Variants in NKPD1 observed in about 807,000 individuals in gnomAD.
NKPD1 encodes the protein NTPase KAP family P-loop domain-containing protein 1.
In NKPD1, 37 loss-of-function variants were observed where a neutral mutation model predicts 42.2. The ratio of observed to expected loss-of-function variants is 0.88; its 90% CI spans 0.67 to 1.15. The LOEUF (loss-of-function observed/expected upper bound fraction) is 1.15. Ranked by LOEUF, NKPD1 falls within the 50% of genes most tolerant of loss-of-function variation. NKPD1 has a pLI of 0.00. For missense variants in NKPD1, 1,113 were observed against 1,174.6 expected, an observed-to-expected ratio of 0.95 and a Z score of 0.77; for synonymous variants, 552 against 536.5, an observed-to-expected ratio of 1.03 and a Z score of -0.40.
chr19:45,158,795 C>T lies in NKPD1; in HGVS notation c.397G>A (p.Ala133Thr). The T allele has an allele frequency of 7.9e-7, 1 of 1,258,072 alleles. No individual in the cohort carries two copies. Among genetic ancestry groups the T allele is most frequent in the Non-Finnish European group, 1.0e-6 (1 of 968,042 alleles). The allele number at this position is 1,258,072 out of a possible 1,614,324, so 77.9% of individuals were successfully genotyped here. ...APQAPTLPTT[A>T]PAMARSGPAL... ...GGGCCACTCCTGGCCATGGCTGGTG[C>T]CGTGGTGGGTAAGGTGGGCGCCTGA... The change falls in exon 3 of 5, where the codon GCA (alanine) becomes ACA (threonine). Residue 133 changes from alanine to threonine, a missense_variant. Physicochemically the swap from Ala to Thr is moderately conservative, Grantham distance 58 (BLOSUM62 0). Around this residue, in one of 3 missense-constraint regions of NKPD1, gnomAD observed 204 missense variants for 227.8 expected, o/e 0.90. Transcript: ENST00000686631. This position sits in a 1 kb window ranked among gnomAD's most constrained non-coding sequence, Gnocchi z 4.6.
chr19:45,159,730 G>T (rs556064283), intron 2 of NKPD1, among the ~76,000 whole-genome samples: 2 of 152,104 alleles, frequency 1.3e-5, no homozygotes, highest in Non-Finnish European at 2.9e-5. Flanking sequence ...CATGTTCAGT[G>T]GGGGGGCTCC....
rs542383526 is a variant in NKPD1 at position 45,158,312 on chromosome 19, T to G, written c.529+351A>C. 3.9e-5 allele frequency among the ~76,000 whole-genome samples: 6 copies of G among 152,300 alleles called. No individual in the cohort carries two copies. The East Asian group carries it at 9.6e-4, about 24-fold the overall frequency. On this transcript the variant is annotated intron_variant, in intron 3 of 4. Transcript: ENST00000686631. This position sits in a 1 kb window ranked among gnomAD's most constrained non-coding sequence, Gnocchi z 4.6. Reference sequence around the variant, plus strand: ...CCAGCCAACAACCCAGGGCTCACCATCCCTGCCCCATGTACCCTGTACCCT... The same window carrying G: ...CCAGCCAACAACCCAGGGCTCACCAGCCCTGCCCCATGTACCCTGTACCCT...
intron 4 of NKPD1, 130 bp downstream of exon 4, chr19:45,155,655 G>T: frequency 1.1e-6 from 1 of 915,662 alleles, no homozygotes; most frequent in Non-Finnish European, 1.5e-6. Flanking sequence ...AGAGGCATGG[G>T]CTTGGGGAGG....
At chr19:45,155,698 G>T (rs979662997) in intron 4 of NKPD1, 87 bp downstream of exon 4, 12 of 1,218,416 alleles carry the variant, frequency 9.8e-6, no homozygotes, top group Non-Finnish European at 1.2e-5. Context: ...CACAGGGGTG[G>T]GGGGATCTGG....
At chr19:45,160,331 A>T (rs1003863066) in intron 1 of NKPD1, among the ~76,000 whole-genome samples, 110 bp from the exon 2 acceptor site, 18 of 152,132 alleles carry the variant, frequency 1.2e-4, no homozygotes, top group African/African-American at 4.3e-4. Context: ...ACTTGGGAGA[A>T]GGGGGTAGAG....
chr19:45,158,068 G>A lies in NKPD1; in HGVS notation c.529+595C>T, dbSNP rs1242319005. Among the ~76,000 whole-genome samples the A allele has an allele frequency of 5.9e-5, 9 of 152,076 alleles. No homozygotes were observed. The highest frequency in any genetic ancestry group is 4.2e-4 in the South Asian group (2 of 4,814). Reference sequence around the variant, plus strand: ...TTCCATGTTTCCTGTACCTGCCCCCGGCTGCAATGCAATGTGAGCCCCATG... The same window carrying A: ...TTCCATGTTTCCTGTACCTGCCCCCAGCTGCAATGCAATGTGAGCCCCATG... On this transcript the variant is annotated intron_variant, in intron 3 of 4. Coordinates refer to ENST00000686631, the MANE Select transcript of NKPD1 (RefSeq NM_198478.4). The surrounding 1 kb of genome is among the most constrained non-coding windows in gnomAD (Gnocchi z 4.6).
chr19:45,160,738 G>A (rs1968989741), intron 1 of NKPD1, among the ~76,000 whole-genome samples, 187 bp downstream of exon 1: 1 of 151,954 alleles, frequency 6.6e-6, no homozygotes, highest in South Asian at 2.1e-4. Context: ...AATTTGGGGA[G>A]AGGCTCAGCA....
At chr19:45,154,781 T>G (rs1160247234) in intron 4 of NKPD1, among the ~76,000 whole-genome samples, 1 of 151,922 alleles carries the variant, frequency 6.6e-6, no homozygotes, top group Non-Finnish European at 1.5e-5. Context: ...TCAGCACTTT[T>G]TGGGAGGCCG....
At chr19:45,153,880 A>G in intron 4 of NKPD1, 105 bp from the exon 5 acceptor site, 1 of 1,169,950 alleles carries the variant, frequency 8.5e-7, no homozygotes, top group African/African-American at 1.6e-5. Flanking sequence ...AGGGGCGCCC[A>G]GCAGAGGCGA....
intron 4 of NKPD1, 110 bp from the exon 5 acceptor site, chr19:45,153,885 A>G (rs1968852408): frequency 7.0e-6 from 8 of 1,150,442 alleles, no homozygotes; most frequent in Non-Finnish European, 9.1e-6. Context: ...CGCCCAGCAG[A>G]GGCGAGGGGC....
chr19:45,161,259 C>T (rs968674354), upstream of NKPD1, among the ~76,000 whole-genome samples: 4 of 152,178 alleles, frequency 2.6e-5, no homozygotes, highest in Non-Finnish European at 5.9e-5. Flanking sequence ...CCAGCTCCTC[C>T]GTGGCCCAGG....
At chr19:45,159,921 T>G (rs1289883241) in intron 2 of NKPD1, 139 bp downstream of exon 2, 1 of 382,164 alleles carries the variant, frequency 2.6e-6, no homozygotes, top group Non-Finnish European at 4.9e-6. Flanking sequence ...CAGGCCCTGC[T>G]GCTACACAGA....
Position 45,157,074 on chromosome 19 carries a change from C to G in NKPD1, c.530-1158G>C, listed in dbSNP as rs192068167. On this transcript the variant is annotated intron_variant, in intron 3 of 4. Coordinates refer to ENST00000686631, the MANE Select transcript of NKPD1 (RefSeq NM_198478.4). Reference sequence around the variant, plus strand: ...CTACTTTCAATCCAGACCTGGAAACCCAGCCGTCTCCACCTCTGCTGCCGC... The same window carrying G: ...CTACTTTCAATCCAGACCTGGAAACGCAGCCGTCTCCACCTCTGCTGCCGC... Among the ~76,000 whole-genome samples, 165 of 152,338 alleles carry G rather than the reference C, an allele frequency of 1.1e-3. 3 individuals are homozygous for G. Among genetic ancestry groups the G allele is most frequent in the Admixed American group, 1.6e-3 (24 of 15,304 alleles).
At position 45,153,363 on chromosome 19, in the gene NKPD1, G is replaced by C; in HGVS notation, c.1074C>G (p.Leu358=). 6.4e-7 allele frequency: 1 copy of C among 1,568,410 alleles called. No individual in the cohort carries two copies. The highest frequency in any genetic ancestry group is 8.6e-7 in the Non-Finnish European group (1 of 1,159,828). Residue 358 remains leucine (L), a synonymous_variant, in exon 5 of 5, where the codon CTC becomes CTG. Transcript: ENST00000686631. ...LAALGLGVGL[L]YLSLGGHALG... ...GCGCGTGGCCGCCCAGTGACAAGTAGAGCAGCCCCACACCCAGGCCCAGCG... is the reference window on the plus strand; with the variant it reads ...GCGCGTGGCCGCCCAGTGACAAGTACAGCAGCCCCACACCCAGGCCCAGCG...
Position 45,152,159 on chromosome 19 carries a change from C to T in NKPD1, c.2278G>A (p.Val760Ile). The change falls in exon 5 of 5, where the codon GTC becomes ATC. Residue 760 changes from valine (V) to isoleucine (I), a missense_variant. This residue lies in a region of NKPD1 where 867 missense variants were observed against 870.1 expected (regional missense o/e 1.00). Transcript: ENST00000686631. Reference protein sequence around the residue: ...IRRRMGLIRAVSALKPPSPPK... With the variant: ...IRRRMGLIRAISALKPPSPPK... ...GGGCTGGGCGGCTTGAGCGCGCTGA[C>T]GGCTCGGATGAGACCCATGCGCCGG... 1.3e-6 allele frequency: 2 copies of T among 1,596,514 alleles called. No individual in the cohort carries two copies. Among genetic ancestry groups the T allele is most frequent in the Non-Finnish European group, 8.5e-7 (1 of 1,172,748 alleles).
intron 3 of NKPD1, among the ~76,000 whole-genome samples, chr19:45,157,487 C>G (rs1369550011): frequency 1.3e-5 from 2 of 148,940 alleles, no homozygotes; most frequent in East Asian, 4.1e-4. Flanking sequence ...TTATAAGTCA[C>G]TGCAGCCTCG....
intron 4 of NKPD1, 151 bp from the exon 5 acceptor site, chr19:45,153,926 G>C (rs539256383): frequency 2.6e-6 from 2 of 762,036 alleles, no homozygotes; most frequent in African/African-American, 1.8e-5. Context: ...TCCTTAAAGA[G>C]CTGGAAGCCG....
chr19:45,155,022 TTAA>T (rs1968875683), intron 4 of NKPD1, among the ~76,000 whole-genome samples: 1 of 75,736 alleles, frequency 1.3e-5, no homozygotes, highest in African/African-American at 1.0e-4. Context: ...GAGACTCCAT[TTAA>T]AAAAAAAAAA....
Position 45,156,765 on chromosome 19 carries a change from C to T in NKPD1, c.530-849G>A, listed in dbSNP as rs533296722. On this transcript the variant is annotated intron_variant, in intron 3 of 4. Coordinates refer to ENST00000686631, the MANE Select transcript of NKPD1 (RefSeq NM_198478.4). The stretch of plus-strand genomic sequence containing the variant: ...GGTAGGGTTCAGTCTTGGGGGGACA[C>T]ATGGGGCCAGCTTTGTGGTGCACAG... Among the ~76,000 whole-genome samples the T allele has an allele frequency of 4.1e-3, 624 of 152,306 alleles. 5 individuals are homozygous for T. Among genetic ancestry groups the T allele is most frequent in the African/African-American group, 0.014 (597 of 41,570 alleles).
Sources: gnomAD v4.1 joint callset for allele counts (sites outside exome capture counted in the v4.1 genomes callset) on GRCh38, gnomAD v4.1.1 for gene constraint, gnomAD v4.1.1 regional missense constraint, Gnocchi (gnomAD v3.1) non-coding constraint, MANE v1.5 for transcripts, NCBI Gene and HGNC (gene_info 2026-07-23, HGNC 2026-07-21) for gene names.